The following GALNT8 variants were observed in gnomAD, a reference collection of about 807,000 sequenced individuals.
GALNT8 encodes the protein polypeptide N-acetylgalactosaminyltransferase 8.
GALNT8 carries 66 observed loss-of-function variants against 62.7 expected under a neutral mutation model. The ratio of observed to expected loss-of-function variants is 1.05; its 90% CI spans 0.86 to 1.29. GALNT8 has a LOEUF of 1.29. GALNT8 is among the 50% of genes most tolerant of loss of function. The probability of loss-of-function intolerance (pLI) is 0.00; values close to 1 mark genes in which losing one functional copy is unlikely to be tolerated. For synonymous variants in GALNT8, 288 were observed against 294.3 expected (o/e 0.98, Z 0.22); for missense variants, 771 against 791.8 (o/e 0.97, Z 0.32).
intron 1 of GALNT8, among the ~76,000 whole-genome samples, chr12:4,722,678 C>A (rs1393507732): frequency 6.6e-6 from 1 of 152,092 alleles, no homozygotes; most frequent in African/African-American, 2.4e-5. Flanking sequence ...GCTGGAACCC[C>A]ATAGGGAGGT....
intron 6 of GALNT8, among the ~76,000 whole-genome samples, chr12:4,751,639 T>C (rs1321411746): frequency 6.6e-6 from 1 of 152,176 alleles, no homozygotes; most frequent in Non-Finnish European, 1.5e-5. Flanking sequence ...ATTATTTTTA[T>C]TTTTTGAATG....
chr12:4,768,369 A>G, intron 10 of GALNT8: 1 of 357,906 alleles, frequency 2.8e-6, no homozygotes, highest in Non-Finnish European at 5.4e-6. Flanking sequence ...CTAAAGAAAT[A>G]ATATTTTTAG....
chr12:4,757,111 C>T (rs545431554), intron 6 of GALNT8, among the ~76,000 whole-genome samples: 2 of 152,260 alleles, frequency 1.3e-5, no homozygotes, highest in South Asian at 4.2e-4. Context: ...TCCCCTTTGC[C>T]TTCTGCCATG....
intron 2 of GALNT8, among the ~76,000 whole-genome samples, chr12:4,738,603 T>C (rs977542293): frequency 6.6e-6 from 1 of 152,168 alleles, no homozygotes; most frequent in Non-Finnish European, 1.5e-5. Context: ...GAAAAAACTT[T>C]TGGAGCTGAT....
rs150970528 is a variant in GALNT8 at position 4,734,552 on chromosome 12, C to A, written c.510-4611C>A. Among the ~76,000 whole-genome samples, 244 of 152,176 alleles carry A rather than the reference C, an allele frequency of 1.6e-3. 2 individuals carry two copies. Among genetic ancestry groups the A allele is most frequent in the African/African-American group, 5.7e-3 (237 of 41,492 alleles). ...TCAGATTGAAAGTATCTTCCTTTCG[C>A]TTCTTTCTTTCTCCAGGGTTGGCCT... is the stretch of plus-strand genomic sequence containing the variant. On this transcript the variant is annotated intron_variant, in intron 2 of 10. Coordinates refer to ENST00000252318, the MANE Select transcript of GALNT8 (RefSeq NM_017417.2).
At chr12:4,733,069 A>G (rs576996487) in intron 2 of GALNT8, among the ~76,000 whole-genome samples, 2 of 152,260 alleles carry the variant, frequency 1.3e-5, no homozygotes, top group Non-Finnish European at 2.9e-5. Context: ...ACCAACAAAT[A>G]CTTTTTCAGT....
At chr12:4,764,130 C>G in intron 9 of GALNT8, 83 bp downstream of exon 9, 2 of 802,052 alleles carry the variant, frequency 2.5e-6, no homozygotes, top group East Asian at 2.4e-5. Context: ...GTCTGGACTC[C>G]GTGATACGTG....
intron 10 of GALNT8, 112 bp from the exon 11 acceptor site, chr12:4,772,333 C>CT: frequency 2.2e-6 from 2 of 909,228 alleles, no homozygotes; most frequent in Non-Finnish European, 3.5e-6. Flanking sequence ...TTGTGGAGCA[C>CT]TGAGGGGTCC....
At chr12:4,765,080 G>A (rs1946393031) in intron 9 of GALNT8, among the ~76,000 whole-genome samples, 2 of 152,146 alleles carry the variant, frequency 1.3e-5, no homozygotes, top group South Asian at 4.1e-4. Flanking sequence ...GGCCTGCAGT[G>A]ACAGATTCTG....
intron 6 of GALNT8, among the ~76,000 whole-genome samples, chr12:4,750,268 G>T (rs1179783221): frequency 6.6e-6 from 1 of 151,930 alleles, no homozygotes; most frequent in East Asian, 1.9e-4. Context: ...TTATTGTACA[G>T]ATTATTTCAT....
rs1468556 is a variant in GALNT8, at chr12:4,763,997, G to A, written c.1543G>A (p.Val515Ile). 7 of 1,599,648 alleles carry A rather than the reference G, an allele frequency of 4.4e-6. No homozygotes were observed. In the South Asian group the frequency reaches 6.6e-5, roughly 15 times the overall value. Residue 515 changes from valine (V) to isoleucine (I), a missense_variant, in exon 9 of 11, where the codon GTT becomes ATT. Physicochemically the swap from Val to Ile is conservative, Grantham distance 29. Transcript: ENST00000252318. ...AAATGTCTGCTTGGATCAGGGACCCGTTCCAGGCAACACCCCCATCATGTA... is the reference window on the plus strand; with the variant it reads ...AAATGTCTGCTTGGATCAGGGACCCATTCCAGGCAACACCCCCATCATGTA... ...DENVCLDQGP[V>I]PGNTPIMYYC... is the part of the protein sequence containing the mutation.
rs1265688728 is a variant in GALNT8 at position 4,772,714 on chromosome 12, C to T, written c.*117C>T. On this transcript the variant is annotated 3_prime_UTR_variant, in exon 11 of 11. Coordinates refer to ENST00000252318, the MANE Select transcript of GALNT8 (RefSeq NM_017417.2). ...AAAGCATGTGTATGTCTGTTTATGG[C>T]GACTTCAGGTGGGGCCTGTGCGTGT... The T allele has an allele frequency of 4.4e-5, 35 of 800,780 alleles. 1 individual carries two copies. Among genetic ancestry groups the T allele is most frequent in the East Asian group, 2.9e-4 (11 of 37,732 alleles). The allele number at this position is 800,780 out of a possible 1,614,324, so 49.6% of individuals were successfully genotyped here.
At chr12:4,755,326 G>A (rs1197119467) in intron 6 of GALNT8, among the ~76,000 whole-genome samples, 2 of 152,200 alleles carry the variant, frequency 1.3e-5, no homozygotes, top group Admixed American at 1.3e-4. Flanking sequence ...CTCCCTCTTT[G>A]GGTGGGCATC....
chr12:4,765,369 T>C lies in GALNT8; in HGVS notation c.1594-10T>C. 1.4e-6 allele frequency: 2 copies of C among 1,444,888 alleles called. No homozygotes were observed. Among genetic ancestry groups the C allele is most frequent in the Non-Finnish European group, 1.8e-6 (2 of 1,104,334 alleles). The allele number at this position is 1,444,888 out of a possible 1,614,324, so 89.5% of individuals were successfully genotyped here. ...GCCCTCTGCTTTTTTTTTTTTTTTT[T>C]TTTTTTTAGAATGTCTACTATCACC... On this transcript the variant is annotated splice_polypyrimidine_tract_variant and intron_variant, in intron 9 of 10. Coordinates refer to ENST00000252318, the MANE Select transcript of GALNT8 (RefSeq NM_017417.2).
At chr12:4,723,000 T>G (rs1946177824) in intron 1 of GALNT8, among the ~76,000 whole-genome samples, 1 of 151,572 alleles carries the variant, frequency 6.6e-6, no homozygotes, top group Non-Finnish European at 1.5e-5. Context: ...GAAAGTGTGA[T>G]GGGAGAGAAG....
Position 4,726,044 on chromosome 12 carries a change from TA to T in GALNT8, c.212-483del, listed in dbSNP as rs1946194028. Among the ~76,000 whole-genome samples the T allele has an allele frequency of 1.3e-5, 2 of 152,188 alleles. No homozygotes were observed. Among genetic ancestry groups the T allele is most frequent in the South Asian group, 4.1e-4 (2 of 4,826 alleles). ...AGTAAGTGTTTCTTAAGTTTTACTG[TA>T]AAAAGAATTACTCCTTGGTTTTATT... is the stretch of plus-strand genomic sequence containing the variant. On this transcript the variant is annotated intron_variant, in intron 1 of 10. Transcript: ENST00000252318. The surrounding 1 kb of genome is among the most constrained non-coding windows in gnomAD (Gnocchi z 4.1).
chr12:4,728,501 T>C (rs1429738190), intron 2 of GALNT8, among the ~76,000 whole-genome samples: 1 of 152,182 alleles, frequency 6.6e-6, no homozygotes, highest in Non-Finnish European at 1.5e-5. Context: ...GTTTCAGTCT[T>C]AAATTTAGGT....
Position 4,763,988 on chromosome 12 carries a change from C to T in GALNT8, c.1534C>T (p.Gln512Ter). Residue 512 changes from glutamine (Q) to a stop codon, truncating the protein, a stop_gained, in exon 9 of 11, where the codon CAG (glutamine) becomes TAG (stop). Transcript: ENST00000252318. LOFTEE classifies it high-confidence loss of function. Reference sequence around the variant, plus strand: ...ATTGGATGAAAATGTCTGCTTGGATCAGGGACCCGTTCCAGGCAACACCCC... The same window carrying T: ...ATTGGATGAAAATGTCTGCTTGGATTAGGGACCCGTTCCAGGCAACACCCC... ...NLLDENVCLDQGPVPGNTPIM... is the reference protein window; with the variant it reads ...NLLDENVCLD The T allele has an allele frequency of 6.3e-7, 1 of 1,597,566 alleles. No individual in the cohort carries two copies. Among genetic ancestry groups the T allele is most frequent in the Non-Finnish European group, 8.6e-7 (1 of 1,164,682 alleles).
intron 3 of GALNT8, among the ~76,000 whole-genome samples, chr12:4,743,919 AAAGAGAGGG>A (rs1946283415): frequency 6.6e-6 from 1 of 152,228 alleles, no homozygotes; most frequent in East Asian, 1.9e-4. Context: ...AGCTTTATTA[AAAGAGAGGG>A]AAGAGAGGGA....
Sources: allele counts gnomAD v4.1 joint callset (sites outside exome capture counted in the v4.1 genomes callset), GRCh38; gene constraint gnomAD v4.1.1; non-coding constraint Gnocchi (gnomAD v3.1); transcripts MANE v1.5; gene names NCBI Gene and HGNC (gene_info 2026-07-23, HGNC 2026-07-21).